The following DIP2C variants were observed in gnomAD, a reference collection of about 807,000 sequenced individuals.
The protein encoded by DIP2C is disco-interacting protein 2 homolog C.
DIP2C carries 33 observed loss-of-function variants against 192.4 expected under a neutral mutation model. The observed-to-expected ratio is 0.17, with a 90% CI of 0.13 to 0.23. The LOEUF is 0.23. Among genes scored for constraint, DIP2C ranks in the 10% least tolerant of loss-of-function variants. The pLI is 1.00. For synonymous variants in DIP2C, 979 were observed against 864.1 expected, an observed-to-expected ratio of 1.13 and a Z score of -2.33; for missense variants, 1,537 against 2,110.1, an observed-to-expected ratio of 0.73 and a Z score of 5.32.
chr10:383,280 A>G (rs1419268043), intron 16 of DIP2C, among the ~76,000 whole-genome samples: 1 of 152,160 alleles, frequency 6.6e-6, no homozygotes, highest in Non-Finnish European at 1.5e-5. Context: ...TGTTTATAAA[A>G]CCTGTTTATG....
intron 4 of DIP2C, among the ~76,000 whole-genome samples, chr10:424,629 G>A (rs1343896717): frequency 6.6e-6 from 1 of 152,130 alleles, no homozygotes; most frequent in Non-Finnish European, 1.5e-5. Flanking sequence ...CTCCCAAAGT[G>A]CTGAGATTAC....
At chr10:583,533 C>A (rs530494614) in intron 1 of DIP2C, among the ~76,000 whole-genome samples, 2 of 152,278 alleles carry the variant, frequency 1.3e-5, no homozygotes, top group South Asian at 4.1e-4. Flanking sequence ...AGGAGAGGGG[C>A]GGCTCAGAGG....
intron 1 of DIP2C, among the ~76,000 whole-genome samples, chr10:583,266 T>C (rs959131999): frequency 6.6e-6 from 1 of 152,208 alleles, no homozygotes; most frequent in African/African-American, 2.4e-5. Flanking sequence ...GGCATATCAC[T>C]AAAGCGCAAA....
chr10:408,597 G>A (rs1964972277), intron 9 of DIP2C, among the ~76,000 whole-genome samples: 1 of 152,118 alleles, frequency 6.6e-6, no homozygotes, highest in South Asian at 2.1e-4. Context: ...CTTTAGGTAG[G>A]ATAACCTAAT....
chr10:416,837 C>T (rs970295480), intron 6 of DIP2C, among the ~76,000 whole-genome samples: 50 of 152,138 alleles, frequency 3.3e-4, no homozygotes, highest in Admixed American at 5.9e-4. Flanking sequence ...TGGGCTTGGA[C>T]GGTGCAGGGG....
At chr10:562,853 G>A (rs543224256) in intron 1 of DIP2C, among the ~76,000 whole-genome samples, 7 of 152,244 alleles carry the variant, frequency 4.6e-5, no homozygotes, top group Non-Finnish European at 1.0e-4. Context: ...ACAACCAGCA[G>A]TGACAGTGGA....
intron 17 of DIP2C, among the ~76,000 whole-genome samples, chr10:376,336 G>A (rs1429426939): frequency 1.4e-5 from 2 of 147,566 alleles, no homozygotes; most frequent in Non-Finnish European, 3.0e-5. Context: ...GGCCCACCTC[G>A]GCCCCCGACG....
chr10:415,412 C>G (rs1436616001), intron 7 of DIP2C, among the ~76,000 whole-genome samples: 2 of 152,206 alleles, frequency 1.3e-5, no homozygotes, highest in Non-Finnish European at 2.9e-5. Context: ...AGGGAGGAGA[C>G]AGCACTTCAC....
At chr10:387,560 C>T (rs530729594) in intron 14 of DIP2C, among the ~76,000 whole-genome samples, 185 bp downstream of exon 14, 2 of 9,550 alleles carry the variant, frequency 2.1e-4, no homozygotes, top group African/African-American at 4.4e-4. Flanking sequence ...ACAGGCAGGG[C>T]GGGGTGGGGG....
chr10:445,275 T>C (rs1968074588), intron 3 of DIP2C, among the ~76,000 whole-genome samples: 1 of 151,606 alleles, frequency 6.6e-6, no homozygotes, highest in Admixed American at 6.6e-5. Flanking sequence ...TGTATACAAC[T>C]GTTGTGAAGA....
chr10:600,833 T>TAA (rs1358915018), intron 1 of DIP2C, among the ~76,000 whole-genome samples: 1 of 152,222 alleles, frequency 6.6e-6, no homozygotes, highest in African/African-American at 2.4e-5. Flanking sequence ...GTCTCAACCA[T>TAA]AAGAGAATCA....
intron 24 of DIP2C, among the ~76,000 whole-genome samples, chr10:354,815 T>C (rs1406158594): frequency 6.6e-6 from 1 of 151,746 alleles, no homozygotes; most frequent in Admixed American, 6.6e-5. Flanking sequence ...TTGGAGATGA[T>C]ACTGGAAATC....
In DIP2C at chr10:636,514, G is replaced by A. The variant is rs982716875; in HGVS notation, c.85+52980C>T. ...GCCACCTCGCCGAGTCCTCACGCAC[G>A]CGTTCCCTAAGAATAAAGGACCCTC... On this transcript the variant is annotated intron_variant, in intron 1 of 36. Transcript: ENST00000280886. The surrounding 1 kb of genome is among the most constrained non-coding windows in gnomAD (Gnocchi z 4.6). Among the ~76,000 whole-genome samples, 11 of 152,222 alleles carry A rather than the reference G, an allele frequency of 7.2e-5. No homozygotes were observed. The highest frequency in any genetic ancestry group is 2.2e-4 in the African/African-American group (9 of 41,528).
At chr10:386,228 A>C (rs1202524152) in intron 14 of DIP2C, among the ~76,000 whole-genome samples, 4 of 152,250 alleles carry the variant, frequency 2.6e-5, no homozygotes, top group Non-Finnish European at 5.9e-5. Context: ...TCAAACGTGT[A>C]GGTGGAGTGA....
At chr10:430,978 T>G (rs1434068157) in intron 4 of DIP2C, among the ~76,000 whole-genome samples, 1 of 152,220 alleles carries the variant, frequency 6.6e-6, no homozygotes, top group East Asian at 1.9e-4. Context: ...AAATATTGTG[T>G]TTGCTGCACT....
rs1446042607 is a variant in DIP2C, at chr10:325,155, C to G, written c.3924+1851G>C. On this transcript the variant is annotated intron_variant, in intron 31 of 36. Transcript: ENST00000280886. ...TGGCGAGCACCTGTAGTCCCAGATG[C>G]TGGGGAAGCTGAGGCAGGAGAATGG... 8 of 327,918 alleles carry G rather than the reference C, an allele frequency of 2.4e-5. No homozygotes were observed. In the Admixed American group the frequency reaches 3.1e-4, roughly 13 times the overall value. 20.3% of individuals were successfully genotyped at this position (327,918 alleles called of 1,614,324 possible).
chr10:429,256 CG>C (rs1385678766), intron 4 of DIP2C, among the ~76,000 whole-genome samples: 1 of 16,030 alleles, frequency 6.2e-5, no homozygotes, highest in Non-Finnish European at 1.0e-4. Context: ...GCCTCCCCCC[CG>C]GACCCTGGCT....
chr10:393,733 T>C (rs1168236837), intron 10 of DIP2C, among the ~76,000 whole-genome samples: 2 of 130,098 alleles, frequency 1.5e-5, no homozygotes, highest in Non-Finnish European at 3.1e-5. Flanking sequence ...GAGCAGAGAT[T>C]GCGTCACTGC....
In DIP2C at chr10:297,895, CTA is replaced by C. The variant is rs566149689; in HGVS notation, c.3987-9476_3987-9475del. Among the ~76,000 whole-genome samples, 5 of 152,270 alleles carry C rather than the reference CTA, an allele frequency of 3.3e-5. No individual in the cohort carries two copies. In the East Asian group the frequency reaches 9.6e-4, roughly 29 times the overall value. ...TGTTATATGTATTGAAACATATACC[CTA>C]TGAGTTGCACAATTATGTGTTAATT... is the stretch of plus-strand genomic sequence containing the variant. On this transcript the variant is annotated intron_variant, in intron 32 of 36. Coordinates refer to ENST00000280886, the MANE Select transcript of DIP2C (RefSeq NM_014974.3).
Sources: gnomAD v4.1 joint callset for allele counts (sites outside exome capture counted in the v4.1 genomes callset) on GRCh38, gnomAD v4.1.1 for gene constraint, Gnocchi (gnomAD v3.1) non-coding constraint, MANE v1.5 for transcripts, NCBI Gene and HGNC (gene_info 2026-07-23, HGNC 2026-07-21) for gene names.